The following TDRD12 variants were observed in gnomAD, a reference collection of about 807,000 sequenced individuals.
The protein encoded by TDRD12 is tudor domain containing 12, also known as putative ATP-dependent RNA helicase TDRD12.
TDRD12 carries 158 observed loss-of-function variants against 133.5 expected under a neutral mutation model. The observed-to-expected ratio is 1.18, with a 90% CI of 1.04 to 1.35. The LOEUF is 1.35. TDRD12 is among the 40% of genes most tolerant of loss of function. TDRD12 has a pLI of 0.00. For missense variants in TDRD12, 1,443 were observed against 1,321.3 expected, an observed-to-expected ratio of 1.09 and a Z score of -1.43; for synonymous variants, 460 against 477.9, an observed-to-expected ratio of 0.96 and a Z score of 0.49.
chr19:32,763,616 C>A (rs1332509392), intron 8 of TDRD12, among the ~76,000 whole-genome samples: 1 of 152,030 alleles, frequency 6.6e-6, no homozygotes, highest in Non-Finnish European at 1.5e-5. Context: ...TACTTTTCCC[C>A]TCTTCCTGTC....
intron 4 of TDRD12, 99 bp downstream of exon 4, chr19:32,742,999 CAGG>C: frequency 7.1e-7 from 1 of 1,403,250 alleles, no homozygotes; most frequent in Non-Finnish European, 9.5e-7. Context: ...AAGTGCTGAG[CAGG>C]AGGTCTCTGT....
chr19:32,740,142 C>G (rs1418647512), intron 3 of TDRD12, among the ~76,000 whole-genome samples: 7 of 132,232 alleles, frequency 5.3e-5, no homozygotes, highest in East Asian at 2.5e-4. Context: ...CCTGGGTGCT[C>G]TCTGCATCTC....
intron 21 of TDRD12, among the ~76,000 whole-genome samples, chr19:32,805,615 T>G (rs1180526321): frequency 1.3e-5 from 2 of 152,170 alleles, no homozygotes; most frequent in Non-Finnish European, 2.9e-5. Context: ...GTATTACACT[T>G]TGTTATAGCA....
intron 8 of TDRD12, among the ~76,000 whole-genome samples, chr19:32,771,327 C>T (rs903586875): frequency 9.9e-5 from 15 of 152,112 alleles, no homozygotes; most frequent in East Asian, 3.9e-4. Flanking sequence ...TGCGTCACCA[C>T]GCCTAGATAA....
At chr19:32,810,371 A>G in intron 23 of TDRD12, 94 bp downstream of exon 23, 1 of 1,056,310 alleles carries the variant, frequency 9.5e-7, no homozygotes, top group Non-Finnish European at 1.3e-6. Context: ...CATTTGACTG[A>G]GTGTGTATGT....
At chr19:32,817,824 G>A (rs560187995) in intron 26 of TDRD12, among the ~76,000 whole-genome samples, 38 of 150,592 alleles carry the variant, frequency 2.5e-4, no homozygotes, top group African/African-American at 8.8e-4. Flanking sequence ...CTGTGCGCTT[G>A]TGCAATTCTA....
At position 32,818,332 on chromosome 19, in the gene TDRD12, C is replaced by T. The variant is rs532337003; in HGVS notation, c.3383+175C>T. Among the ~76,000 whole-genome samples, 20 of 152,286 alleles carry T rather than the reference C, an allele frequency of 1.3e-4. No homozygotes were observed. The South Asian group carries it at 3.7e-3, about 28-fold the overall frequency. ...CTCAGAGCGGAGCAGAACACAGAGA[C>T]CCGGAGGTGCTGGGCCAGGTCTTGT... is the stretch of plus-strand genomic sequence containing the variant. On this transcript the variant is annotated intron_variant, in intron 27 of 27. Coordinates refer to ENST00000444215, the Ensembl canonical transcript of TDRD12.
At chr19:32,749,661 C>G (rs1292962304) in intron 5 of TDRD12, 123 bp from the exon 6 acceptor site, 1 of 682,170 alleles carries the variant, frequency 1.5e-6, no homozygotes, top group Non-Finnish European at 2.5e-6. Context: ...CCTGGTCCTG[C>G]CCGAGGAAGA....
intron 8 of TDRD12, among the ~76,000 whole-genome samples, chr19:32,767,100 A>G (rs751978778): frequency 8.6e-4 from 47 of 54,480 alleles, no homozygotes; most frequent in Non-Finnish European, 1.5e-3. Flanking sequence ...CATTTTATTT[A>G]TTTATTTATT....
At chr19:32,795,816 G>T (rs1394937191) in intron 14 of TDRD12, among the ~76,000 whole-genome samples, 2 of 152,156 alleles carry the variant, frequency 1.3e-5, no homozygotes, top group African/African-American at 4.8e-5. Context: ...GAAGTCTAAG[G>T]GGGAGCAAGT....
chr19:32,828,562 A>G (rs1470523376), exon 10 of TDRD12: 6 of 152,118 alleles, frequency 3.9e-5, no homozygotes, highest in Admixed American at 3.9e-4. Context: ...CTCGGAATGG[A>G]AAAGAATTTG....
intron 22 of TDRD12, among the ~76,000 whole-genome samples, chr19:32,808,395 C>G (rs1966891281): frequency 6.6e-6 from 1 of 152,208 alleles, no homozygotes. Flanking sequence ...GGCCATGCCC[C>G]TCCACAGCCT....
intron 19 of TDRD12, among the ~76,000 whole-genome samples, chr19:32,802,146 T>TA (rs1243603239): frequency 7.0e-6 from 1 of 142,838 alleles, no homozygotes; most frequent in Non-Finnish European, 1.5e-5. Context: ...ATGATATATA[T>TA]TATCATATAT....
chr19:32,738,208 A>G (rs1444921467), intron 2 of TDRD12, among the ~76,000 whole-genome samples: 2 of 152,258 alleles, frequency 1.3e-5, no homozygotes, highest in African/African-American at 4.8e-5. Flanking sequence ...TTGGTCAGAC[A>G]CATGATTGAC....
chr19:32,766,699 C>G (rs1970307108), intron 8 of TDRD12, among the ~76,000 whole-genome samples: 1 of 152,046 alleles, frequency 6.6e-6, no homozygotes, highest in African/African-American at 2.4e-5. Context: ...ACTACACCCT[C>G]TGCCTCCTGG....
chr19:32,757,609 C>T (rs998488907), intron 8 of TDRD12, among the ~76,000 whole-genome samples: 1 of 152,180 alleles, frequency 6.6e-6, no homozygotes, highest in African/African-American at 2.4e-5. Context: ...GTGGTTCCTC[C>T]ACCATTTCCC....
chr19:32,818,145 A>G (rs1461266187), exon 27 of TDRD12: 2 of 701,496 alleles, frequency 2.9e-6, no homozygotes, highest in Non-Finnish European at 2.6e-6. Flanking sequence ...TCCGAGGAGC[A>G]GGGGGGGCAG....
intron 11 of TDRD12, among the ~76,000 whole-genome samples, chr19:32,787,842 A>T (rs1382199315): frequency 6.6e-6 from 1 of 152,168 alleles, no homozygotes; most frequent in Non-Finnish European, 1.5e-5. Context: ...AGGTACAGTC[A>T]GTCATGGCTT....
At chr19:32,757,585 G>A (rs1970032322) in intron 8 of TDRD12, among the ~76,000 whole-genome samples, 1 of 152,168 alleles carries the variant, frequency 6.6e-6, no homozygotes, top group African/African-American at 2.4e-5. Context: ...TTGATGACTG[G>A]CTCGCCCTCT....
Sources: gnomAD v4.1 joint callset for allele counts (sites outside exome capture counted in the v4.1 genomes callset) on GRCh38, gnomAD v4.1.1 for gene constraint, MANE v1.5 for transcripts, NCBI Gene and HGNC (gene_info 2026-07-23, HGNC 2026-07-21) for gene names.